MCU: variants seen among roughly 807,000 people sequenced by gnomAD.
MCU encodes the protein calcium uniporter protein, mitochondrial.
MCU carries 12 observed loss-of-function variants against 45.2 expected under a neutral mutation model. That is an observed-to-expected ratio of 0.27 (90% confidence interval 0.17 to 0.43). The LOEUF (loss-of-function observed/expected upper bound fraction) is 0.43, where lower values mean the gene tolerates loss of function less well. Among genes scored for constraint, MCU ranks in the 20% least tolerant of loss-of-function variants. MCU has a pLI of 1.00. For missense variants in MCU, 324 were observed against 436.7 expected (o/e 0.74, Z 2.30); for synonymous variants, 160 against 165.1 (o/e 0.97, Z 0.24).
At chr10:72,740,799 A>G (rs775511330) in intron 1 of MCU, among the ~76,000 whole-genome samples, 1 of 152,212 alleles carries the variant, frequency 6.6e-6, no homozygotes, top group African/African-American at 2.4e-5. Context: ...GTGAGCTCTC[A>G]GGAAAGATCC....
chr10:72,805,089 C>G (rs1210066351), intron 1 of MCU, among the ~76,000 whole-genome samples: 4 of 140,294 alleles, frequency 2.9e-5, no homozygotes, highest in African/African-American at 1.1e-4. Flanking sequence ...TTCTTTCTTT[C>G]TTTCTTTCTT....
At position 72,813,450 on chromosome 10, in the gene MCU, CTT is replaced by C. The variant is rs71021537; in HGVS notation, c.151-20884_151-20883del. Among the ~76,000 whole-genome samples the C allele has an allele frequency of 7.9e-3, 598 of 76,148 alleles. 1 individual carries two copies. The highest frequency in any genetic ancestry group is 0.031 in the African/African-American group (539 of 17,306). 50.0% of individuals were successfully genotyped at this position (76,148 alleles called of 152,430 possible). A position where few individuals can be genotyped will look rare whatever the true frequency, so the allele number is the denominator to read the frequency against. On this transcript the variant is annotated intron_variant, in intron 1 of 7. Coordinates refer to ENST00000373053, the MANE Select transcript of MCU (RefSeq NM_138357.3). ...CTGTTAATTTAAATACCAGCTCTCT[CTT>C]TTTTTTTTTTTTTTTTTTTTTTTTG...
intron 1 of MCU, among the ~76,000 whole-genome samples, chr10:72,786,510 T>C (rs1490636787): frequency 6.6e-6 from 1 of 152,134 alleles, no homozygotes; most frequent in Admixed American, 6.5e-5. Flanking sequence ...TTTGGGAGGC[T>C]GAGGCGGGCA....
chr10:72,692,173 T>G lies in MCU; in HGVS notation c.22T>G (p.Ser8Ala). MAAAAGR[S>A]LLLLLSSRGG... is the part of the protein sequence containing the mutation. ...AGAGATGGCGGCCGCCGCAGGTAGATCGCTCCTGCTGCTCCTCTCCTCTCG... is the reference window on the plus strand; with the variant it reads ...AGAGATGGCGGCCGCCGCAGGTAGAGCGCTCCTGCTGCTCCTCTCCTCTCG... The change falls in exon 1 of 8, where the codon TCG (serine) becomes GCG (alanine). Residue 8 changes from serine (S) to alanine (A), a missense_variant. Coordinates refer to ENST00000373053, the MANE Select transcript of MCU (RefSeq NM_138357.3). 1 of 1,286,876 alleles carries G rather than the reference T, an allele frequency of 7.8e-7. No individual in the cohort carries two copies. Among genetic ancestry groups the G allele is most frequent in the Non-Finnish European group, 9.9e-7 (1 of 1,010,046 alleles). 79.7% of individuals were successfully genotyped at this position (1,286,876 alleles called of 1,614,324 possible).
intron 1 of MCU, among the ~76,000 whole-genome samples, chr10:72,781,216 T>C (rs940501238): frequency 1.3e-5 from 2 of 152,166 alleles, no homozygotes; most frequent in African/African-American, 4.8e-5. Context: ...CGGGCAGAGT[T>C]TGGAGATAAG....
chr10:72,858,548 A>AG (rs1478957682), intron 2 of MCU, among the ~76,000 whole-genome samples: 1 of 152,168 alleles, frequency 6.6e-6, no homozygotes, highest in Non-Finnish European at 1.5e-5. Context: ...CTAGCAAGGA[A>AG]GGGGTATAAT....
rs767287664 is a variant in MCU at position 72,885,833 on chromosome 10, G to A, written c.*11G>A. 53 of 1,610,064 alleles carry A rather than the reference G, an allele frequency of 3.3e-5. No individual in the cohort carries two copies. The highest frequency in any genetic ancestry group is 4.3e-5 in the Non-Finnish European group (51 of 1,176,642). On this transcript the variant is annotated 3_prime_UTR_variant, in exon 8 of 8. Coordinates refer to ENST00000373053, the MANE Select transcript of MCU (RefSeq NM_138357.3). Reference sequence around the variant, plus strand: ...GGTGAAAAAGATTGATCTGCAAAAAGCCTCTGAATCCTGGCAGAAGGAACA... The same window carrying A: ...GGTGAAAAAGATTGATCTGCAAAAAACCTCTGAATCCTGGCAGAAGGAACA...
intron 1 of MCU, among the ~76,000 whole-genome samples, chr10:72,711,358 C>A (rs1842892212): frequency 6.6e-6 from 1 of 151,436 alleles, no homozygotes; most frequent in African/African-American, 2.4e-5. Flanking sequence ...GTAGCTGGGA[C>A]CATAGGCGTG....
chr10:72,733,700 TA>T (rs67628692), intron 1 of MCU, among the ~76,000 whole-genome samples: 61,907 of 142,648 alleles, frequency 0.43, 15,314 homozygotes, highest in East Asian at 0.89. Flanking sequence ...TATATATATA[TA>T]TATTTTTTTA....
At chr10:72,772,557 C>T (rs536662137) in intron 1 of MCU, among the ~76,000 whole-genome samples, 3 of 152,224 alleles carry the variant, frequency 2.0e-5, no homozygotes, top group African/African-American at 4.8e-5. Context: ...ATTAGCTGGG[C>T]GTGGTTCTGC....
At chr10:72,795,446 A>G (rs1368344631) in intron 1 of MCU, among the ~76,000 whole-genome samples, 2 of 152,230 alleles carry the variant, frequency 1.3e-5, no homozygotes, top group African/African-American at 4.8e-5. Flanking sequence ...AAACTTTTCC[A>G]TTAAAACTGC....
At chr10:72,719,175 C>T (rs932752460) in intron 1 of MCU, among the ~76,000 whole-genome samples, 1 of 152,194 alleles carries the variant, frequency 6.6e-6, no homozygotes, top group African/African-American at 2.4e-5. Flanking sequence ...AAACACACAG[C>T]ATTTCACTGT....
At chr10:72,726,015 A>G (rs543295245) in intron 1 of MCU, among the ~76,000 whole-genome samples, 3 of 152,068 alleles carry the variant, frequency 2.0e-5, no homozygotes, top group African/African-American at 7.2e-5. Context: ...CATGTCGTAT[A>G]TATATCCTTC....
chr10:72,739,058 T>C (rs1358951695), intron 1 of MCU, among the ~76,000 whole-genome samples: 1 of 152,224 alleles, frequency 6.6e-6, no homozygotes, highest in Non-Finnish European at 1.5e-5. Context: ...ACTTATACAG[T>C]GTGAACAGTA....
At chr10:72,694,658 C>T (rs1012177052) in intron 1 of MCU, among the ~76,000 whole-genome samples, 3 of 152,162 alleles carry the variant, frequency 2.0e-5, no homozygotes, top group African/African-American at 7.2e-5. Context: ...TGGGAGACAT[C>T]CTGTGTATGT....
At chr10:72,850,966 G>A (rs1012315992) in intron 2 of MCU, among the ~76,000 whole-genome samples, 24 of 152,188 alleles carry the variant, frequency 1.6e-4, no homozygotes, top group Non-Finnish European at 2.9e-4. Flanking sequence ...TTGTGACTTC[G>A]CTACAGCCAG....
At chr10:72,751,613 C>T (rs950947489) in intron 1 of MCU, among the ~76,000 whole-genome samples, 3 of 151,830 alleles carry the variant, frequency 2.0e-5, no homozygotes, top group African/African-American at 4.8e-5. Flanking sequence ...ACCTTGGCCT[C>T]CCAAAGTGCT....
chr10:72,885,868 CT>C lies in MCU; in HGVS notation c.*51del. ...CCTGGCAGAAGGAACACCTGTTTGC[CT>C]TTTTAATTAAAGCATTGCAGGTGGA... On this transcript the variant is annotated 3_prime_UTR_variant, in exon 8 of 8. Transcript: ENST00000373053. 1 of 1,515,296 alleles carries C rather than the reference CT, an allele frequency of 6.6e-7. No individual in the cohort carries two copies. Among genetic ancestry groups the C allele is most frequent in the Non-Finnish European group, 9.2e-7 (1 of 1,091,788 alleles). The allele number at this position is 1,515,296 out of a possible 1,614,324, so 93.9% of individuals were successfully genotyped here. A position where few individuals can be genotyped will look rare whatever the true frequency, so the allele number is the denominator to read the frequency against.
chr10:72,727,046 T>A (rs1183598712), intron 1 of MCU, among the ~76,000 whole-genome samples: 3 of 152,106 alleles, frequency 2.0e-5, no homozygotes, highest in Non-Finnish European at 2.9e-5. Context: ...GGGATGGCGG[T>A]TGGGAAATAA....
Sources: allele counts gnomAD v4.1 joint callset (sites outside exome capture counted in the v4.1 genomes callset), GRCh38; gene constraint gnomAD v4.1.1; transcripts MANE v1.5; gene names NCBI Gene and HGNC (gene_info 2026-07-23, HGNC 2026-07-21).